Variants in ADGB observed in about 807,000 individuals in gnomAD.
The protein encoded by ADGB is androglobin.
In ADGB, 172 loss-of-function variants were observed where a neutral mutation model predicts 210.5. The ratio of observed to expected loss-of-function variants is 0.82; its 90% CI spans 0.72 to 0.93. The LOEUF is 0.93. ADGB is among the 40% of genes least tolerant of loss of function. The pLI, the probability that ADGB is intolerant of heterozygous loss-of-function variation, is 0.00. For missense variants in ADGB, 2,025 were observed against 1,964.8 expected, an observed-to-expected ratio of 1.03 and a Z score of -0.58; for synonymous variants, 658 against 662.7, an observed-to-expected ratio of 0.99 and a Z score of 0.11.
chr6:146,795,382 G>C (rs1778024569), intron 33 of ADGB, among the ~76,000 whole-genome samples: 1 of 152,112 alleles, frequency 6.6e-6, no homozygotes, highest in Non-Finnish European at 1.5e-5. Context: ...TACAGAAAGG[G>C]AGAAAATTTT....
chr6:146,764,740 T>G (rs1255421443), intron 28 of ADGB, among the ~76,000 whole-genome samples: 3 of 152,164 alleles, frequency 2.0e-5, no homozygotes, highest in African/African-American at 7.2e-5. Flanking sequence ...CATGATAGAA[T>G]GTTAGAAAAA....
rs757577050 is a variant in ADGB at position 146,656,732 on chromosome 6, G to A, written c.403-39G>A. The A allele has an allele frequency of 3.2e-5, 45 of 1,411,428 alleles. 2 individuals are homozygous for A. In the South Asian group the frequency reaches 5.4e-4, roughly 17 times the overall value. The allele number at this position is 1,411,428 out of a possible 1,614,324, so 87.4% of individuals were successfully genotyped here. ...TCCCTAAATTACAGTACCTACAACT[G>A]AAAAATAACCAATTAACCCTAATGT... is the stretch of plus-strand genomic sequence containing the variant. On this transcript the variant is annotated intron_variant, in intron 4 of 35. Coordinates refer to ENST00000397944, the MANE Select transcript of ADGB (RefSeq NM_024694.4).
At chr6:146,784,819 A>G in intron 31 of ADGB, 25 bp downstream of exon 31, 5 of 1,536,644 alleles carry the variant, frequency 3.3e-6, no homozygotes, top group Non-Finnish European at 3.5e-6. Context: ...AAAAGCTGTC[A>G]TCTTTTACTT....
At chr6:146,649,328 T>G (rs187996796) in intron 3 of ADGB, among the ~76,000 whole-genome samples, 120 of 152,098 alleles carry the variant, frequency 7.9e-4, no homozygotes, top group African/African-American at 2.6e-3. Context: ...TAAAAAAAAG[T>G]CACACAAAGA....
At chr6:146,691,461 A>T (rs9390413) in intron 11 of ADGB, among the ~76,000 whole-genome samples, 171 bp downstream of exon 11, 857 of 17,790 alleles carry the variant, frequency 0.048, 40 homozygotes, top group African/African-American at 0.071. Flanking sequence ...TATATATAAA[A>T]ATATATATAT....
intron 9 of ADGB, among the ~76,000 whole-genome samples, chr6:146,681,545 A>G (rs1411654714): frequency 1.3e-5 from 2 of 152,154 alleles, no homozygotes; most frequent in African/African-American, 4.8e-5. Flanking sequence ...TTAAGACTGC[A>G]ACCTCTTTGT....
At chr6:146,634,179 C>A (rs1438911781) in intron 1 of ADGB, among the ~76,000 whole-genome samples, 2 of 152,064 alleles carry the variant, frequency 1.3e-5, no homozygotes, top group Non-Finnish European at 2.9e-5. Context: ...AGGTTTATAG[C>A]CTAGGAGCAA....
intron 1 of ADGB, among the ~76,000 whole-genome samples, chr6:146,607,781 G>T (rs1265920942): frequency 6.6e-6 from 1 of 152,110 alleles, no homozygotes; most frequent in African/African-American, 2.4e-5. Flanking sequence ...TGTGCTGCTG[G>T]ATTTGGTTTG....
chr6:146,713,335 T>C (rs1249919239), intron 13 of ADGB, among the ~76,000 whole-genome samples: 1 of 152,220 alleles, frequency 6.6e-6, no homozygotes, highest in African/African-American at 2.4e-5. Flanking sequence ...TTTTCCACAG[T>C]GACCACACCA....
rs182629837 is a variant in ADGB at position 146,616,162 on chromosome 6, A to G, written c.74+17048A>G. Among the ~76,000 whole-genome samples the G allele has an allele frequency of 4.1e-4, 63 of 151,816 alleles. No individual in the cohort carries two copies. The Middle Eastern group carries it at 0.01, about 25-fold the overall frequency. On this transcript the variant is annotated intron_variant, in intron 1 of 35. Coordinates refer to ENST00000397944, the MANE Select transcript of ADGB (RefSeq NM_024694.4). ...GGTTTTGATTTGCATATCCCTGATG[A>G]TTAATGATGTTGAATATTTTGTATA...
chr6:146,647,566 G>A (rs4895700), intron 3 of ADGB, among the ~76,000 whole-genome samples: 18 of 151,904 alleles, frequency 1.2e-4, no homozygotes, highest in South Asian at 2.1e-4. Flanking sequence ...TTAAAAAAGC[G>A]AAGAGCACAG....
At chr6:146,798,834 T>G (rs765201968) in intron 33 of ADGB, among the ~76,000 whole-genome samples, 1 of 151,850 alleles carries the variant, frequency 6.6e-6, no homozygotes, top group Non-Finnish European at 1.5e-5. Flanking sequence ...CGGAAATAAA[T>G]TTAACCAAGT....
At chr6:146,608,655 T>C (rs1340153849) in intron 1 of ADGB, among the ~76,000 whole-genome samples, 1 of 152,232 alleles carries the variant, frequency 6.6e-6, no homozygotes, top group Non-Finnish European at 1.5e-5. Context: ...CAGGAGCATG[T>C]TGTTTAATTT....
intron 1 of ADGB, among the ~76,000 whole-genome samples, chr6:146,610,494 G>GATTTGCT (rs1305709278): frequency 6.6e-6 from 1 of 152,124 alleles, no homozygotes; most frequent in Non-Finnish European, 1.5e-5. Context: ...CATTGAAGTT[G>GATTTGCT]TTGTCATTGG....
At chr6:146,690,846 A>G (rs958517456) in intron 10 of ADGB, among the ~76,000 whole-genome samples, 3 of 152,176 alleles carry the variant, frequency 2.0e-5, no homozygotes, top group Non-Finnish European at 4.4e-5. Context: ...ATTTTGTGCA[A>G]TCTCATTCAT....
chr6:146,741,780 C>T (rs1270512597), intron 25 of ADGB, among the ~76,000 whole-genome samples: 1 of 152,202 alleles, frequency 6.6e-6, no homozygotes, highest in Admixed American at 6.5e-5. Context: ...ATGATAGACC[C>T]TGATCTCTGA....
chr6:146,726,887 G>C (rs1047013043), intron 19 of ADGB, among the ~76,000 whole-genome samples: 14 of 152,072 alleles, frequency 9.2e-5, no homozygotes, highest in African/African-American at 3.1e-4. Context: ...CTTTGCCTAA[G>C]GAATCTGGAG....
chr6:146,721,500 A>G lies in ADGB; in HGVS notation c.2090A>G (p.Tyr697Cys). 1 of 1,534,988 alleles carries G rather than the reference A, an allele frequency of 6.5e-7. No individual in the cohort carries two copies. The highest frequency in any genetic ancestry group is 8.8e-7 in the Non-Finnish European group (1 of 1,135,994). ...CFSALVRWGEYGALTKDSPPI... is the reference protein window; with the variant it reads ...CFSALVRWGECGALTKDSPPI... Reference sequence around the variant, plus strand: ...TCTGCATTGGTACGCTGGGGGGAGTATGGAGGTAAGAGGGCTCTGAGAAAA... The same window carrying G: ...TCTGCATTGGTACGCTGGGGGGAGTGTGGAGGTAAGAGGGCTCTGAGAAAA... The change falls in exon 17 of 36, where the codon TAT becomes TGT. Residue 697 changes from tyrosine (Y) to cysteine (C), a missense_variant. Tyr to Cys is a radical substitution (Grantham distance 194). Transcript: ENST00000397944.
chr6:146,632,498 G>A (rs1781079949), intron 1 of ADGB, among the ~76,000 whole-genome samples: 1 of 152,078 alleles, frequency 6.6e-6, no homozygotes, highest in Non-Finnish European at 1.5e-5. Context: ...AGTTTCCAGG[G>A]ACTAAGATGT....
Sources: gnomAD v4.1 joint callset for allele counts (sites outside exome capture counted in the v4.1 genomes callset) on GRCh38, gnomAD v4.1.1 for gene constraint, MANE v1.5 for transcripts, NCBI Gene and HGNC (gene_info 2026-07-23, HGNC 2026-07-21) for gene names.